Variants in UBE2E2 observed in about 807,000 individuals in gnomAD.
The protein encoded by UBE2E2 is ubiquitin-conjugating enzyme E2 E2.
UBE2E2 carries 6 observed loss-of-function variants against 24.7 expected under a neutral mutation model. The observed-to-expected ratio is 0.24, with a 90% CI of 0.13 to 0.48. UBE2E2 has a LOEUF of 0.48. Among genes scored for constraint, UBE2E2 ranks in the 20% least tolerant of loss-of-function variants. The pLI is 0.99. For missense variants in UBE2E2, 169 were observed against 245.0 expected, an observed-to-expected ratio of 0.69 and a Z score of 2.07; for synonymous variants, 104 against 83.6, an observed-to-expected ratio of 1.24 and a Z score of -1.33.
chr3:23,376,396 G>A (rs544110006), intron 3 of UBE2E2, among the ~76,000 whole-genome samples: 4 of 152,284 alleles, frequency 2.6e-5, no homozygotes, highest in South Asian at 4.1e-4. Flanking sequence ...GGTTCCTAGT[G>A]CGTAAAGAAG....
At chr3:23,357,664 G>A (rs561519593) in intron 3 of UBE2E2, among the ~76,000 whole-genome samples, 1 of 152,162 alleles carries the variant, frequency 6.6e-6, no homozygotes, top group South Asian at 2.1e-4. Flanking sequence ...CCAGAAAACA[G>A]TAAATATATT....
chr3:23,265,198 T>C (rs558985053), intron 3 of UBE2E2, among the ~76,000 whole-genome samples: 14 of 152,152 alleles, frequency 9.2e-5, no homozygotes, highest in African/African-American at 3.1e-4. Context: ...AAGGAAGAAT[T>C]GAAGATTAGA....
intron 3 of UBE2E2, among the ~76,000 whole-genome samples, chr3:23,459,185 A>T (rs549705125): frequency 1.3e-5 from 2 of 152,326 alleles, no homozygotes; most frequent in East Asian, 3.9e-4. Context: ...TAAGTAAGCA[A>T]ATCTATCCAT....
chr3:23,292,115 C>T (rs1292293204), intron 3 of UBE2E2, among the ~76,000 whole-genome samples: 1 of 151,966 alleles, frequency 6.6e-6, no homozygotes, highest in East Asian at 1.9e-4. Context: ...ACCTTGGCCT[C>T]CCAAAGTGCT....
intron 4 of UBE2E2, among the ~76,000 whole-genome samples, chr3:23,530,614 T>C (rs552541153): frequency 6.6e-6 from 1 of 152,316 alleles, no homozygotes; most frequent in African/African-American, 2.4e-5. Context: ...AGGAAAAACA[T>C]TTCTCTTCTC....
chr3:23,211,611 G>T (rs1193527161), intron 2 of UBE2E2, among the ~76,000 whole-genome samples: 1 of 151,870 alleles, frequency 6.6e-6, no homozygotes, highest in East Asian at 1.9e-4. Context: ...GCTCAGGCTG[G>T]TCTTGAACTC....
At chr3:23,258,881 A>C (rs1444863338) in intron 3 of UBE2E2, among the ~76,000 whole-genome samples, 1 of 133,042 alleles carries the variant, frequency 7.5e-6, no homozygotes, top group African/African-American at 2.9e-5. Context: ...TGACAGAGAG[A>C]GACTCTGTCT....
chr3:23,417,631 T>G (rs568039107), intron 3 of UBE2E2, among the ~76,000 whole-genome samples: 1 of 152,280 alleles, frequency 6.6e-6, no homozygotes, highest in Non-Finnish European at 1.5e-5. Flanking sequence ...CAGGAACATT[T>G]AAGTCTGCTG....
intron 3 of UBE2E2, among the ~76,000 whole-genome samples, chr3:23,273,569 T>A (rs941285894): frequency 2.6e-5 from 4 of 151,278 alleles, no homozygotes; most frequent in Non-Finnish European, 5.9e-5. Flanking sequence ...GTACAGCAGG[T>A]CCTTGAATGA....
intron 3 of UBE2E2, among the ~76,000 whole-genome samples, chr3:23,349,820 A>G (rs1309113337): frequency 2.0e-5 from 3 of 152,210 alleles, no homozygotes; most frequent in Non-Finnish European, 4.4e-5. Context: ...CAGATAAACA[A>G]AAAGACAGCA....
At chr3:23,307,249 A>C (rs1699262022) in intron 3 of UBE2E2, among the ~76,000 whole-genome samples, 2 of 152,120 alleles carry the variant, frequency 1.3e-5, no homozygotes, top group Admixed American at 1.3e-4. Context: ...TGAGGATATT[A>C]ATTAATAAAT....
rs182220180 is a variant in UBE2E2, at chr3:23,271,463, C to T, written c.227+54151C>T. 2.4e-3 allele frequency among the ~76,000 whole-genome samples: 360 copies of T among 152,274 alleles called. 3 individuals carry two copies. Among genetic ancestry groups the T allele is most frequent in the African/African-American group, 8.3e-3 (344 of 41,534 alleles). On this transcript the variant is annotated intron_variant, in intron 3 of 5. Coordinates refer to ENST00000396703, the MANE Select transcript of UBE2E2 (RefSeq NM_152653.4). ...AAGCTTCCACAGCGTGGTAAGGGGA[C>T]CCGAGTGGGTTGCTGCCGCTGGCTC...
At chr3:23,462,274 C>CT (rs1698819852) in intron 3 of UBE2E2, among the ~76,000 whole-genome samples, 1 of 152,064 alleles carries the variant, frequency 6.6e-6, no homozygotes, top group African/African-American at 2.4e-5. Context: ...ATCAAGAACA[C>CT]TTGTTACCAT....
intron 2 of UBE2E2, among the ~76,000 whole-genome samples, chr3:23,214,966 T>G (rs1696435587): frequency 6.6e-6 from 1 of 152,172 alleles, no homozygotes; most frequent in African/African-American, 2.4e-5. Context: ...TAATATCTTT[T>G]GATTCCCTGC....
chr3:23,542,900 C>T (rs1695425200), intron 5 of UBE2E2, among the ~76,000 whole-genome samples: 1 of 152,136 alleles, frequency 6.6e-6, no homozygotes, highest in South Asian at 2.1e-4. Context: ...TTAGCATTTC[C>T]CTATGCATAT....
chr3:23,404,639 T>G (rs900602224), intron 3 of UBE2E2, among the ~76,000 whole-genome samples: 4 of 152,234 alleles, frequency 2.6e-5, no homozygotes, highest in Non-Finnish European at 5.9e-5. Context: ...TGAGTTTGTT[T>G]ATAGCAACAC....
intron 3 of UBE2E2, among the ~76,000 whole-genome samples, chr3:23,314,823 A>G (rs917202688): frequency 6.6e-6 from 1 of 152,144 alleles, no homozygotes; most frequent in South Asian, 2.1e-4. Flanking sequence ...TGTCAGATGT[A>G]TTGGAGCTCC....
chr3:23,217,842 C>T (rs1055334248), intron 3 of UBE2E2, among the ~76,000 whole-genome samples: 10 of 151,970 alleles, frequency 6.6e-5, no homozygotes, highest in African/African-American at 2.2e-4. Flanking sequence ...ATCATGACCT[C>T]GAATTTTCTG....
At chr3:23,362,979 T>TG (rs1466316183) in intron 3 of UBE2E2, among the ~76,000 whole-genome samples, 8 of 151,446 alleles carry the variant, frequency 5.3e-5, no homozygotes, top group Admixed American at 2.0e-4. Flanking sequence ...CAGAAGAGAT[T>TG]GGGGGGTCTA....
Sources: gnomAD v4.1 joint callset for allele counts (sites outside exome capture counted in the v4.1 genomes callset) on GRCh38, gnomAD v4.1.1 for gene constraint, MANE v1.5 for transcripts, NCBI Gene and HGNC (gene_info 2026-07-23, HGNC 2026-07-21) for gene names.